Variants in AFG2A observed in about 807,000 individuals in gnomAD.
AFG2A encodes ATPase family gene 2 protein homolog A.
chr4:123,205,901 C>G, the AFG2A span, among the ~76,000 whole-genome samples: 1 of 152,104 alleles, frequency 6.6e-6, no homozygotes, highest in Non-Finnish European at 1.5e-5. Flanking sequence ...TCAGGCATCC[C>G]CTGCTTAACA....
chr4:123,022,555 G>A, the AFG2A span, among the ~76,000 whole-genome samples: 1 of 148,532 alleles, frequency 6.7e-6, no homozygotes, highest in Non-Finnish European at 1.5e-5. Context: ...GAGAGGATGT[G>A]GAGAAATAGG....
chr4:123,209,205 C>A, the AFG2A span, among the ~76,000 whole-genome samples: 2 of 152,102 alleles, frequency 1.3e-5, no homozygotes, highest in Non-Finnish European at 2.9e-5. Context: ...GGTAAAACAA[C>A]CTGGGGCTTG....
the AFG2A span, among the ~76,000 whole-genome samples, chr4:122,943,381 A>G: frequency 0.01 from 1,568 of 152,254 alleles, 36 homozygotes; most frequent in African/African-American, 0.035. Flanking sequence ...TCCCTTTACC[A>G]TTATGTAATG....
chr4:123,145,234 T>C, the AFG2A span, among the ~76,000 whole-genome samples: 2 of 152,092 alleles, frequency 1.3e-5, no homozygotes, highest in African/African-American at 4.8e-5. Flanking sequence ...TGATGGAACT[T>C]GCATACATGG....
chr4:123,145,155 A>G, the AFG2A span, among the ~76,000 whole-genome samples: 1 of 152,010 alleles, frequency 6.6e-6, no homozygotes, highest in Non-Finnish European at 1.5e-5. Flanking sequence ...AAAAATAATT[A>G]ATAATTATTT....
At chr4:123,084,696 A>T in the AFG2A span, among the ~76,000 whole-genome samples, 1 of 151,882 alleles carries the variant, frequency 6.6e-6, no homozygotes, top group Admixed American at 6.6e-5. Context: ...TGGTGCGATC[A>T]CAGCTCACTA....
At chr4:123,229,088 CCAG>C in the AFG2A span, among the ~76,000 whole-genome samples, 1 of 151,656 alleles carries the variant, frequency 6.6e-6, no homozygotes, top group Non-Finnish European at 1.5e-5. Flanking sequence ...TTAAAAAAAA[CCAG>C]CACAATTTCT....
the AFG2A span, chr4:122,934,779 T>A: frequency 6.6e-7 from 1 of 1,521,692 alleles, no homozygotes; most frequent in Non-Finnish European, 8.8e-7. Context: ...AATGTTAAAT[T>A]CAAATTAAAA....
chr4:123,297,063 A>T, the AFG2A span, among the ~76,000 whole-genome samples: 1 of 152,142 alleles, frequency 6.6e-6, no homozygotes, highest in Non-Finnish European at 1.5e-5. Context: ...TAAACTTCCA[A>T]ACTGAACCGC....
the AFG2A span, among the ~76,000 whole-genome samples, chr4:123,166,266 T>C: frequency 7.2e-5 from 11 of 152,160 alleles, no homozygotes; most frequent in African/African-American, 2.7e-4. Flanking sequence ...ACAGCCAGGA[T>C]ATAAAGCAGG....
chr4:123,077,356 C>G, the AFG2A span, among the ~76,000 whole-genome samples: 2 of 151,700 alleles, frequency 1.3e-5, no homozygotes, highest in African/African-American at 4.8e-5. Context: ...CCCTTTTTTT[C>G]CTATCTTAAA....
chr4:123,032,579 C>T, the AFG2A span, among the ~76,000 whole-genome samples: 1 of 152,100 alleles, frequency 6.6e-6, no homozygotes, highest in Non-Finnish European at 1.5e-5. Context: ...CTATGCCCGA[C>T]TAATTTTTGT....
the AFG2A span, among the ~76,000 whole-genome samples, chr4:123,007,338 T>C: frequency 6.6e-6 from 1 of 151,858 alleles, no homozygotes; most frequent in East Asian, 2.0e-4. Flanking sequence ...TTTGTGAGCT[T>C]TGAGTATTAT....
the AFG2A span, among the ~76,000 whole-genome samples, chr4:123,014,281 AT>A: frequency 6.6e-6 from 1 of 152,228 alleles, no homozygotes; most frequent in Non-Finnish European, 1.5e-5. Flanking sequence ...AATTTGGTAA[AT>A]TAGAAAAAGC....
the AFG2A span, among the ~76,000 whole-genome samples, chr4:123,113,408 C>T: frequency 6.6e-6 from 1 of 151,790 alleles, no homozygotes; most frequent in Admixed American, 6.6e-5. Flanking sequence ...AGCCTTTGCT[C>T]ACTTACCCAG....
chr4:122,963,878 C>T, the AFG2A span, among the ~76,000 whole-genome samples: 1 of 152,058 alleles, frequency 6.6e-6, no homozygotes, highest in African/African-American at 2.4e-5. Flanking sequence ...TTAGTCCTCC[C>T]TCCTTGTCAT....
At chr4:123,194,678 C>T in the AFG2A span, among the ~76,000 whole-genome samples, 1 of 152,108 alleles carries the variant, frequency 6.6e-6, no homozygotes, top group Non-Finnish European at 1.5e-5. Flanking sequence ...TTTCAGTTAA[C>T]AGATTTATTT....
chr4:122,980,844 G>GC, the AFG2A span, among the ~76,000 whole-genome samples: 1 of 148,562 alleles, frequency 6.7e-6, no homozygotes, highest in Admixed American at 6.7e-5. Flanking sequence ...CAGATTGTTT[G>GC]TTTTTTTTTG....
chr4:122,998,248 G>GT, the AFG2A span, among the ~76,000 whole-genome samples: 1 of 152,114 alleles, frequency 6.6e-6, no homozygotes, highest in Admixed American at 6.6e-5. Flanking sequence ...GGTTTACTCT[G>GT]TTTTTTCTTC....
Sources: gnomAD v4.1 joint callset for allele counts (sites outside exome capture counted in the v4.1 genomes callset) on GRCh38, gnomAD v4.1.1 for gene constraint, MANE v1.5 for transcripts, NCBI Gene and HGNC (gene_info 2026-07-23, HGNC 2026-07-21) for gene names.